Variants in ANO4 observed in about 807,000 individuals in gnomAD.
ANO4 encodes the protein anoctamin 4, also known as anoctamin-4.
Under a neutral mutation model 141.9 loss-of-function variants are expected in ANO4, and 69 were observed. The observed-to-expected ratio is 0.49, with a 90% confidence interval of 0.40 to 0.59. The LOEUF is 0.59. Ranked by LOEUF, ANO4 falls within the 20% of genes least tolerant of loss-of-function variation. The pLI is 0.00. For synonymous variants in ANO4, 350 were observed against 394.3 expected (o/e 0.89, Z 1.33); for missense variants, 894 against 1,162.2 (o/e 0.77, Z 3.36).
At chr12:100,938,942 T>A (rs1458535362) in intron 3 of ANO4, among the ~76,000 whole-genome samples, 1 of 152,146 alleles carries the variant, frequency 6.6e-6, no homozygotes, top group Non-Finnish European at 1.5e-5. Flanking sequence ...TAAATTTAAT[T>A]TAAAAGTATA....
chr12:100,747,627 T>C (rs1320836355), intron 3 of ANO4, among the ~76,000 whole-genome samples: 4 of 151,976 alleles, frequency 2.6e-5, no homozygotes, highest in African/African-American at 4.8e-5. Flanking sequence ...GTAATCCCAG[T>C]ACTTTGGGAG....
At chr12:100,862,997 A>G (rs568661890) in intron 1 of ANO4, among the ~76,000 whole-genome samples, 2 of 152,300 alleles carry the variant, frequency 1.3e-5, no homozygotes, top group Admixed American at 1.3e-4. Flanking sequence ...AGCCTAACTG[A>G]TAAGGTGTTA....
chr12:100,974,874 A>T lies in ANO4; in HGVS notation c.587A>T (p.Tyr196Phe). The T allele has an allele frequency of 6.2e-7, 1 of 1,614,102 alleles. No individual in the cohort carries two copies. The highest frequency in any genetic ancestry group is 8.5e-7 in the Non-Finnish European group (1 of 1,179,996). Reference sequence around the variant, plus strand: ...AAAATCTATTACCTGCCCCGCCGTTACAAGTTCATGAGCAGGTTAGTAGCA... The same window carrying T: ...AAAATCTATTACCTGCCCCGCCGTTTCAAGTTCATGAGCAGGTTAGTAGCA... ...RRKIYYLPRR[Y>F]KFMSRIDKQI... is the part of the protein sequence containing the mutation. Residue 196 changes from tyrosine (Y) to phenylalanine (F), a missense_variant, in exon 7 of 28, where the codon TAC becomes TTC. By Grantham distance (22) the Tyr-to-Phe change is conservative. Transcript: ENST00000392977.
intron 10 of ANO4, chr12:101,038,550 A>G (rs1421861986): frequency 6.6e-6 from 1 of 152,188 alleles, no homozygotes; most frequent in Admixed American, 6.5e-5. Flanking sequence ...AGCAGCAGCA[A>G]TCATTGCATC....
chr12:100,835,026 C>T (rs951196958), intron 1 of ANO4, among the ~76,000 whole-genome samples: 1 of 152,056 alleles, frequency 6.6e-6, no homozygotes, highest in South Asian at 2.1e-4. Context: ...ACCATAGATG[C>T]GACACATGAA....
intron 26 of ANO4, among the ~76,000 whole-genome samples, chr12:101,126,262 A>G (rs2051310221): frequency 6.6e-6 from 1 of 152,184 alleles, no homozygotes; most frequent in Non-Finnish European, 1.5e-5. Context: ...ATTGTCATCT[A>G]GTACTTCCTT....
At chr12:100,891,044 A>AT (rs758068470) in intron 1 of ANO4, among the ~76,000 whole-genome samples, 88 of 152,280 alleles carry the variant, frequency 5.8e-4, no homozygotes, top group Non-Finnish European at 1.1e-3. Context: ...ACTATGTAAT[A>AT]TGTAGCCTTT....
chr12:101,066,997 C>CAAAAAAAAAAAAAAAAAAAA (rs34416390), intron 14 of ANO4: 4 of 181,564 alleles, frequency 2.2e-5, no homozygotes, highest in Non-Finnish European at 4.0e-5. Context: ...TAAAGTATAA[C>CAAAAAAAAAAAAAAAAAAAA]AAAAAAAAAA....
chr12:101,054,563 A>G (rs1003989220), intron 14 of ANO4, among the ~76,000 whole-genome samples: 21 of 152,210 alleles, frequency 1.4e-4, no homozygotes, highest in Admixed American at 7.9e-4. Flanking sequence ...GCAGTGGCAC[A>G]ATCTCGGCTC....
At chr12:101,063,507 T>C (rs577894687) in intron 14 of ANO4, among the ~76,000 whole-genome samples, 1 of 152,324 alleles carries the variant, frequency 6.6e-6, no homozygotes. Flanking sequence ...TCTATCTTCA[T>C]GAGGGTTATT....
chr12:101,056,801 T>C (rs932028213), intron 14 of ANO4, among the ~76,000 whole-genome samples: 2 of 151,656 alleles, frequency 1.3e-5, no homozygotes, highest in Non-Finnish European at 2.9e-5. Flanking sequence ...TGAATGGGTA[T>C]AGAATTTTGC....
chr12:100,740,373 C>T (rs1037179295), intron 3 of ANO4, among the ~76,000 whole-genome samples: 1 of 152,034 alleles, frequency 6.6e-6, no homozygotes, highest in African/African-American at 2.4e-5. Context: ...CACCACCATG[C>T]CCAGCTCTCA....
At chr12:101,093,352 GAAGAGATAA>G (rs1196876009) in intron 17 of ANO4, among the ~76,000 whole-genome samples, 1 of 152,164 alleles carries the variant, frequency 6.6e-6, no homozygotes, top group Non-Finnish European at 1.5e-5. Flanking sequence ...ATGGTCTGAA[GAAGAGATAA>G]GGAACTTGCC....
rs570264011 is a variant in ANO4, at chr12:100,972,292, A to G, written c.557+886A>G. On this transcript the variant is annotated intron_variant, in intron 6 of 27. Coordinates refer to ENST00000392977, the MANE Select transcript of ANO4 (RefSeq NM_001286615.2). The stretch of plus-strand genomic sequence containing the variant: ...CTTAATGAGCTGTGGAAAGTTGTGG[A>G]GACAAAGAACATTTATAGAGACAGA... 2.6e-5 allele frequency among the ~76,000 whole-genome samples: 4 copies of G among 152,368 alleles called. No individual in the cohort carries two copies. The East Asian group carries it at 5.8e-4, about 22-fold the overall frequency.
chr12:101,106,641 C>G (rs1413785651), intron 22 of ANO4, among the ~76,000 whole-genome samples: 1 of 149,370 alleles, frequency 6.7e-6, no homozygotes, highest in African/African-American at 2.5e-5. Flanking sequence ...GCAATTGTCT[C>G]TATGAAGGGA....
chr12:101,026,190 G>A (rs960606191), intron 9 of ANO4, among the ~76,000 whole-genome samples: 26 of 152,154 alleles, frequency 1.7e-4, no homozygotes, highest in African/African-American at 6.3e-4. Flanking sequence ...CAAAAAATGA[G>A]ATTGATATAA....
chr12:101,007,228 C>T (rs61944897), intron 8 of ANO4, among the ~76,000 whole-genome samples: 12,165 of 152,126 alleles, frequency 0.08, 599 homozygotes, highest in Middle Eastern at 0.16. Context: ...TGGCATGCGC[C>T]TGTAGGCCTA....
At chr12:100,764,484 C>T (rs1206430686) in intron 3 of ANO4, among the ~76,000 whole-genome samples, 1 of 152,194 alleles carries the variant, frequency 6.6e-6, no homozygotes, top group Non-Finnish European at 1.5e-5. Flanking sequence ...GACATTTTTA[C>T]TCACTTTAAT....
At chr12:100,836,740 G>A (rs1206070494) in intron 1 of ANO4, among the ~76,000 whole-genome samples, 1 of 152,140 alleles carries the variant, frequency 6.6e-6, no homozygotes, top group African/African-American at 2.4e-5. Flanking sequence ...AAGGGAATAG[G>A]ATGACCCAAG....
Sources: allele counts gnomAD v4.1 joint callset (sites outside exome capture counted in the v4.1 genomes callset), GRCh38; gene constraint gnomAD v4.1.1; transcripts MANE v1.5; gene names NCBI Gene and HGNC (gene_info 2026-07-23, HGNC 2026-07-21).